The following AGO2 variants were observed in gnomAD, a reference collection of about 807,000 sequenced individuals.
The protein encoded by AGO2 is protein argonaute-2.
A neutral mutation model predicts 102.3 loss-of-function variants in AGO2; 5 were observed. That is an observed-to-expected ratio of 0.05 (90% CI 0.03 to 0.10). The LOEUF is 0.10. Ranked by LOEUF, AGO2 falls within the 10% of genes least tolerant of loss-of-function variation. The pLI is 1.00. For synonymous variants in AGO2, 449 were observed against 473.1 expected (o/e 0.95, Z 0.66); for missense variants, 541 against 1,183.7 (o/e 0.46, Z 7.97).
At position 140,591,062 on chromosome 8, in the gene AGO2, A is replaced by AAGCTCTGGGTGC. The variant is rs1026088823; in HGVS notation, c.23-5763_23-5752dup. Among the ~76,000 whole-genome samples the AAGCTCTGGGTGC allele has an allele frequency of 5.9e-5, 9 of 152,328 alleles. No individual in the cohort carries two copies. The East Asian group carries it at 9.6e-4, about 16-fold the overall frequency. On this transcript the variant is annotated intron_variant, in intron 1 of 18. Coordinates refer to ENST00000220592, the MANE Select transcript of AGO2 (RefSeq NM_012154.5). ...CTGGGTCGGAATGAAGGAGGGAAGG[A>AAGCTCTGGGTGC]AGCTCTGGGTGCAGCTCTGGGTGCA...
At chr8:140,595,763 AATTAT>A (rs1251481260) in intron 1 of AGO2, among the ~76,000 whole-genome samples, 8 of 50,810 alleles carry the variant, frequency 1.6e-4, no homozygotes, top group Admixed American at 2.1e-4. Context: ...TTGTATATAC[AATTAT>A]ATTATATACA....
intron 1 of AGO2, among the ~76,000 whole-genome samples, chr8:140,600,066 C>T (rs556213533): frequency 5.3e-5 from 8 of 152,306 alleles, no homozygotes; most frequent in East Asian, 1.9e-4. Context: ...CACATGCAGA[C>T]GACGTGACAG....
At chr8:140,603,489 C>T (rs1437442106) in intron 1 of AGO2, among the ~76,000 whole-genome samples, 2 of 152,234 alleles carry the variant, frequency 1.3e-5, no homozygotes, top group Non-Finnish European at 2.9e-5. Context: ...GCACCTTCGT[C>T]ACCCCCAAAA....
At chr8:140,538,124 G>C (rs1002534713) in intron 16 of AGO2, among the ~76,000 whole-genome samples, 8 of 152,216 alleles carry the variant, frequency 5.3e-5, no homozygotes, top group African/African-American at 1.9e-4. Context: ...CTGGCCTGGT[G>C]AATGATTCCT....
At position 140,530,891 on chromosome 8, in the gene AGO2, CTGAG is replaced by C. The variant is rs2072583433; in HGVS notation, c.*1149_*1152del. 6.6e-6 allele frequency: 1 copy of C among 152,436 alleles called. No homozygotes were observed. Among genetic ancestry groups the C allele is most frequent in the Admixed American group, 6.5e-5 (1 of 15,288 alleles). 9.4% of individuals were successfully genotyped at this position (152,436 alleles called of 1,614,324 possible). A position where few individuals can be genotyped will look rare whatever the true frequency, so the allele number is the denominator to read the frequency against. ...ATAATTTCCACTTGTGCTTCATCAG[CTGAG>C]TGAGTGACACACGGGGATGAGGCGG... On this transcript the variant is annotated 3_prime_UTR_variant, in exon 19 of 19. Transcript: ENST00000220592.
intron 2 of AGO2, among the ~76,000 whole-genome samples, chr8:140,583,223 T>G (rs1003420543): frequency 1.2e-4 from 18 of 152,234 alleles, no homozygotes; most frequent in African/African-American, 4.1e-4. Flanking sequence ...GGTCTTTGGC[T>G]TCCCTGATTA....
chr8:140,627,740 C>G (rs1408989306), intron 1 of AGO2, among the ~76,000 whole-genome samples: 1 of 152,218 alleles, frequency 6.6e-6, no homozygotes, highest in East Asian at 1.9e-4. Flanking sequence ...CCCCTTCCGT[C>G]TGGTAGTGGA....
intron 1 of AGO2, among the ~76,000 whole-genome samples, chr8:140,617,615 T>C (rs572197519): frequency 1.4e-4 from 21 of 152,246 alleles, no homozygotes; most frequent in Admixed American, 2.6e-4. Flanking sequence ...GTCACGCAGC[T>C]GGTAGGTGGA....
intron 1 of AGO2, among the ~76,000 whole-genome samples, chr8:140,629,089 T>C (rs2074309926): frequency 6.6e-6 from 1 of 151,922 alleles, no homozygotes; most frequent in East Asian, 1.9e-4. Context: ...AGACTCTGTC[T>C]CAAAATAAAT....
rs111412237 is a variant in AGO2 at position 140,552,692 on chromosome 8, G to A, written c.1270-1256C>T. On this transcript the variant is annotated intron_variant, in intron 10 of 18. Coordinates refer to ENST00000220592, the MANE Select transcript of AGO2 (RefSeq NM_012154.5). ...AGGGAGTGCACACACACACACACAC[G>A]CATGCACTCACATGCACATGAACAC... Among the ~76,000 whole-genome samples, 12 of 150,232 alleles carry A rather than the reference G, an allele frequency of 8.0e-5. No individual in the cohort carries two copies. In the South Asian group the frequency reaches 1.1e-3, roughly 13 times the overall value.
intron 3 of AGO2, among the ~76,000 whole-genome samples, chr8:140,570,360 T>G (rs1376701913): frequency 6.6e-6 from 1 of 152,000 alleles, no homozygotes; most frequent in Admixed American, 6.6e-5. Context: ...CAAGTAGCTG[T>G]GACTATAGGC....
rs1342392907 is a variant in AGO2 at position 140,546,041 on chromosome 8, G to A, written c.1748+1427C>T. 2.0e-5 allele frequency among the ~76,000 whole-genome samples: 3 copies of A among 152,176 alleles called. No individual in the cohort carries two copies. The East Asian group carries it at 5.8e-4, about 29-fold the overall frequency. ...CTGGGTGCCTCCACCAGGACTTCCG[G>A]CCCGGTGCTGCCCACTTATGGCCCA... is the stretch of plus-strand genomic sequence containing the variant. On this transcript the variant is annotated intron_variant, in intron 13 of 18. Transcript: ENST00000220592.
intron 10 of AGO2, 60 bp downstream of exon 10, chr8:140,555,836 A>T (rs2073084968): frequency 6.4e-7 from 1 of 1,568,082 alleles, no homozygotes; most frequent in Non-Finnish European, 8.6e-7. Context: ...AGAACCTGAG[A>T]GGGGTCGCAG....
chr8:140,604,551 G>T (rs1172117586), intron 1 of AGO2, among the ~76,000 whole-genome samples: 1 of 152,184 alleles, frequency 6.6e-6, no homozygotes, highest in Admixed American at 6.5e-5. Flanking sequence ...ATTAGGCCGG[G>T]TGCGGTGGCT....
rs1041496350 is a variant in AGO2 at position 140,522,220 on chromosome 8, C to G, written c.*9824G>C. On this transcript the variant is annotated 3_prime_UTR_variant, in exon 19 of 19. Transcript: ENST00000220592. ...AATATCATTAAATAAACGGAAATTA[C>G]AATTTCAAGTTTCATGTGGAGTTGT... 1 of 152,094 alleles carries G rather than the reference C, an allele frequency of 6.6e-6. No individual in the cohort carries two copies. Among genetic ancestry groups the G allele is most frequent in the African/African-American group, 2.4e-5 (1 of 41,404 alleles). 9.4% of individuals were successfully genotyped at this position (152,094 alleles called of 1,614,324 possible). A position where few individuals can be genotyped will look rare whatever the true frequency, so the allele number is the denominator to read the frequency against.
intron 1 of AGO2, among the ~76,000 whole-genome samples, chr8:140,627,887 C>T (rs1181744812): frequency 6.6e-6 from 1 of 152,130 alleles, no homozygotes; most frequent in Non-Finnish European, 1.5e-5. Context: ...ACGCGATCTC[C>T]CACAGATGCA....
intron 1 of AGO2, among the ~76,000 whole-genome samples, chr8:140,604,688 G>C (rs1220823818): frequency 1.3e-5 from 2 of 152,186 alleles, no homozygotes; most frequent in African/African-American, 4.8e-5. Context: ...TTAGCCGGGC[G>C]TGGTGGCGGG....
upstream of AGO2, among the ~76,000 whole-genome samples, chr8:140,639,753 AC>A (rs1461976408): frequency 1.3e-5 from 2 of 152,214 alleles, no homozygotes; most frequent in Non-Finnish European, 2.9e-5. Flanking sequence ...AGCCTGGGTG[AC>A]AGAGTGAGAC....
rs539980462 is a variant in AGO2 at position 140,544,809 on chromosome 8, C to T, written c.1749-506G>A. Among the ~76,000 whole-genome samples the T allele has an allele frequency of 3.9e-5, 6 of 152,338 alleles. No homozygotes were observed. In the South Asian group the frequency reaches 1.0e-3, roughly 26 times the overall value. ...CCCAACATGTCTCCAGACATGACCA[C>T]GCGTCCCCTGGCAGCAAAACCACCC... On this transcript the variant is annotated intron_variant, in intron 13 of 18. Transcript: ENST00000220592.
Sources: gnomAD v4.1 joint callset for allele counts (sites outside exome capture counted in the v4.1 genomes callset) on GRCh38, gnomAD v4.1.1 for gene constraint, MANE v1.5 for transcripts, NCBI Gene and HGNC (gene_info 2026-07-23, HGNC 2026-07-21) for gene names.